CYP2J2: variants seen among roughly 807,000 people sequenced by gnomAD.
CYP2J2 encodes cytochrome P450 family 2 subfamily J member 2.
In CYP2J2, 41 loss-of-function variants were observed where a neutral mutation model predicts 48.8. The observed-to-expected ratio is 0.84, with a 90% confidence interval of 0.66 to 1.09. The LOEUF (loss-of-function observed/expected upper bound fraction) is 1.09, where lower values mean the gene tolerates loss of function less well. Ranked by LOEUF, CYP2J2 falls within the 50% of genes least tolerant of loss-of-function variation. The pLI is 0.00. For synonymous variants in CYP2J2, 221 were observed against 227.1 expected (o/e 0.97, Z 0.24); for missense variants, 644 against 617.3 (o/e 1.04, Z -0.46).
At chr1:59,904,799 A>G (rs1644350925) in intron 7 of CYP2J2, 72 bp downstream of exon 7, 1 of 1,297,236 alleles carries the variant, frequency 7.7e-7, no homozygotes. Flanking sequence ...CCTTAGGACA[A>G]GAATAAATGT....
upstream of CYP2J2, among the ~76,000 whole-genome samples, chr1:59,927,210 T>C (rs1212381514): frequency 6.6e-6 from 1 of 152,166 alleles, no homozygotes; most frequent in African/African-American, 2.4e-5. Context: ...AAAAGTTAAG[T>C]ACTAAGTATG....
chr1:59,949,585 G>A, the CYP2J2 span, among the ~76,000 whole-genome samples: 1 of 152,170 alleles, frequency 6.6e-6, no homozygotes, highest in East Asian at 1.9e-4. Context: ...AAGTCTGCAG[G>A]CTAATTCCAT....
chr1:59,967,732 A>C, the CYP2J2 span, among the ~76,000 whole-genome samples: 3 of 152,252 alleles, frequency 2.0e-5, no homozygotes, highest in Non-Finnish European at 2.9e-5. Context: ...CATGAGAAGA[A>C]ATAGGCTGCA....
chr1:59,926,027 C>T lies in CYP2J2; in HGVS notation c.210+510G>A, dbSNP rs573615356. Reference sequence around the variant, plus strand: ...GTGGTTCAGTCAGGAGTCTGAACACCGTTTGGCAAAAATTTAAGCAGAGGA... The same window carrying T: ...GTGGTTCAGTCAGGAGTCTGAACACTGTTTGGCAAAAATTTAAGCAGAGGA... On this transcript the variant is annotated intron_variant, in intron 1 of 8. Coordinates refer to ENST00000371204, the MANE Select transcript of CYP2J2 (RefSeq NM_000775.4). Among the ~76,000 whole-genome samples the T allele has an allele frequency of 6.1e-4, 93 of 152,112 alleles. 2 individuals carry two copies. The South Asian group carries it at 0.019, about 31-fold the overall frequency.
the CYP2J2 span, among the ~76,000 whole-genome samples, chr1:59,950,128 ACT>A: frequency 6.6e-6 from 1 of 151,976 alleles, no homozygotes; most frequent in Non-Finnish European, 1.5e-5. Context: ...CCAGCTAAAG[ACT>A]CTAAGAAGCC....
In CYP2J2 at chr1:59,904,638, G is replaced by A; in HGVS notation, c.1191+233C>T. On this transcript the variant is annotated intron_variant, in intron 7 of 8. Coordinates refer to ENST00000371204, the MANE Select transcript of CYP2J2 (RefSeq NM_000775.4). ...AAACACTGAGAGGCCCCACAGGAAA[G>A]AAAAGCCAGTCTTTATCTAAACATA... is the stretch of plus-strand genomic sequence containing the variant. 6.3e-6 allele frequency: 3 copies of A among 475,368 alleles called. No homozygotes were observed. In the South Asian group the frequency reaches 8.2e-5, roughly 13 times the overall value. 29.4% of individuals were successfully genotyped at this position (475,368 alleles called of 1,614,324 possible). A position where few individuals can be genotyped will look rare whatever the true frequency, so the allele number is the denominator to read the frequency against.
intron 3 of CYP2J2, 91 bp from the exon 4 acceptor site, chr1:59,911,859 C>T (rs75173289): frequency 0.016 from 21,010 of 1,298,624 alleles, 250 homozygotes; most frequent in Non-Finnish European, 0.02. Flanking sequence ...TAAGACATAC[C>T]TAGTGCAGAA....
In CYP2J2 at chr1:59,901,002, C is replaced by A; in HGVS notation, c.1293G>T (p.Gln431His). 6.2e-7 allele frequency: 1 copy of A among 1,614,192 alleles called. No individual in the cohort carries two copies. Among genetic ancestry groups the A allele is most frequent in the Non-Finnish European group, 8.5e-7 (1 of 1,180,006 alleles). ...FNPDHFLENG[Q>H]FKKREAFMPF... ...GCATAAAGGCTTCCCTTTTCTTAAA[C>A]TGTCCATTCTCCAGAAAATGGTCCG... The change falls in exon 8 of 9, where the codon CAG (glutamine) becomes CAT (histidine). Residue 431 changes from glutamine (Q) to histidine (H), a missense_variant. Transcript: ENST00000371204.
chr1:59,898,547 T>G (rs1644289178), intron 8 of CYP2J2, among the ~76,000 whole-genome samples: 2 of 152,210 alleles, frequency 1.3e-5, no homozygotes, highest in African/African-American at 2.4e-5. Flanking sequence ...GCTGCAGAGT[T>G]TTGGACTGTT....
chr1:59,922,051 A>C (rs1426998140), intron 1 of CYP2J2, among the ~76,000 whole-genome samples: 4 of 152,208 alleles, frequency 2.6e-5, no homozygotes, highest in African/African-American at 9.7e-5. Flanking sequence ...GCGGCATCGC[A>C]GGTCCAGAAG....
At chr1:59,936,689 T>A in the CYP2J2 span, among the ~76,000 whole-genome samples, 2 of 152,176 alleles carry the variant, frequency 1.3e-5, no homozygotes, top group Non-Finnish European at 2.9e-5. Flanking sequence ...TCCCCTGCTG[T>A]CTCTGCCTAG....
rs781064338 is a variant in CYP2J2, at chr1:59,902,297, T to C, written c.1192-1194A>G. Among the ~76,000 whole-genome samples, 92 of 152,332 alleles carry C rather than the reference T, an allele frequency of 6.0e-4. 1 individual carries two copies. Among genetic ancestry groups the C allele is most frequent in the Non-Finnish European group, 9.6e-4 (65 of 68,034 alleles). ...CTAAATATGTACTTGCATGATTACTTTTCTCAGGGTTGTTTTGCCAGACCT... is the reference window on the plus strand; with the variant it reads ...CTAAATATGTACTTGCATGATTACTCTTCTCAGGGTTGTTTTGCCAGACCT... On this transcript the variant is annotated intron_variant, in intron 7 of 8. Coordinates refer to ENST00000371204, the MANE Select transcript of CYP2J2 (RefSeq NM_000775.4).
intron 1 of CYP2J2, among the ~76,000 whole-genome samples, chr1:59,917,536 C>T (rs540710702): frequency 9.9e-5 from 15 of 152,282 alleles, no homozygotes; most frequent in East Asian, 5.8e-4. Context: ...AGGACAAAGA[C>T]GTGAGCCCAA....
the CYP2J2 span, among the ~76,000 whole-genome samples, chr1:59,961,279 A>G: frequency 1.3e-5 from 2 of 152,352 alleles, no homozygotes; most frequent in East Asian, 3.9e-4. Flanking sequence ...ACATAACTCA[A>G]TAATTAAAAG....
At chr1:59,928,798 G>T (rs1644589910), upstream of CYP2J2, among the ~76,000 whole-genome samples, 1 of 152,206 alleles carries the variant, frequency 6.6e-6, no homozygotes, top group Non-Finnish European at 1.5e-5. Context: ...GATTTTGGTG[G>T]TAAGCAATTA....
At chr1:59,939,112 T>A in the CYP2J2 span, among the ~76,000 whole-genome samples, 1 of 152,320 alleles carries the variant, frequency 6.6e-6, no homozygotes, top group South Asian at 2.1e-4. Context: ...TTCTTATGTC[T>A]TCCCTTTTTA....
At chr1:59,918,170 C>T (rs1341844482) in intron 1 of CYP2J2, among the ~76,000 whole-genome samples, 1 of 152,068 alleles carries the variant, frequency 6.6e-6, no homozygotes, top group African/African-American at 2.4e-5. Context: ...AGTAATGGGA[C>T]CATACACATT....
At chr1:59,962,533 GA>G in the CYP2J2 span, among the ~76,000 whole-genome samples, 7 of 152,220 alleles carry the variant, frequency 4.6e-5, no homozygotes, top group African/African-American at 1.7e-4. Context: ...TGGTAAGATT[GA>G]AAATCAAACA....
the CYP2J2 span, among the ~76,000 whole-genome samples, chr1:59,931,985 T>G: frequency 6.6e-6 from 1 of 152,172 alleles, no homozygotes; most frequent in Admixed American, 6.5e-5. Context: ...GTTTTTTGAA[T>G]GCTTTAAGGA....
Sources: allele counts gnomAD v4.1 joint callset (sites outside exome capture counted in the v4.1 genomes callset), GRCh38; gene constraint gnomAD v4.1.1; transcripts MANE v1.5; gene names NCBI Gene and HGNC (gene_info 2026-07-23, HGNC 2026-07-21).